The following GPC5 variants were observed in gnomAD, a reference collection of about 807,000 sequenced individuals.
The protein encoded by GPC5 is glypican 5, also known as glypican-5.
In GPC5, 47 loss-of-function variants were observed where a neutral mutation model predicts 53.9. That is an observed-to-expected ratio of 0.87 (90% confidence interval 0.69 to 1.11). GPC5 has a LOEUF of 1.11. Among genes scored for constraint, GPC5 ranks in the 50% most tolerant of loss-of-function variants. The probability of loss-of-function intolerance (pLI) is 0.00; values close to 1 mark genes in which losing one functional copy is unlikely to be tolerated. For missense variants in GPC5, 748 were observed against 713.1 expected (o/e 1.05, Z -0.56); for synonymous variants, 286 against 263.3 (o/e 1.09, Z -0.84).
chr13:92,197,640 G>A (rs533458451), intron 7 of GPC5, among the ~76,000 whole-genome samples: 2 of 150,910 alleles, frequency 1.3e-5, no homozygotes, highest in Non-Finnish European at 2.9e-5. Flanking sequence ...CTGAACTTTA[G>A]GGCATCGCCA....
chr13:92,509,088 C>A (rs905049573), intron 7 of GPC5, among the ~76,000 whole-genome samples: 1 of 151,902 alleles, frequency 6.6e-6, no homozygotes, highest in Non-Finnish European at 1.5e-5. Flanking sequence ...AACAAGCACT[C>A]GAAGGAAAAA....
chr13:91,406,660 AGTAAGTG>A (rs1594044819), intron 1 of GPC5, among the ~76,000 whole-genome samples: 1 of 152,070 alleles, frequency 6.6e-6, no homozygotes. Context: ...CCCAATTTCT[AGTAAGTG>A]GTATCACCTA....
chr13:91,545,580 A>T (rs1194079757), intron 2 of GPC5, among the ~76,000 whole-genome samples: 2 of 152,086 alleles, frequency 1.3e-5, no homozygotes, highest in African/African-American at 4.8e-5. Context: ...CCCTTTTATC[A>T]TATTTTAAGG....
intron 7 of GPC5, among the ~76,000 whole-genome samples, chr13:92,386,234 G>C (rs1393098806): frequency 6.6e-6 from 1 of 151,964 alleles, no homozygotes; most frequent in East Asian, 1.9e-4. Flanking sequence ...GCAATTTGCT[G>C]TTCTTAAAGT....
chr13:92,185,095 C>CT (rs1293382197), intron 7 of GPC5, among the ~76,000 whole-genome samples: 1 of 152,126 alleles, frequency 6.6e-6, no homozygotes, highest in African/African-American at 2.4e-5. Context: ...GTTAGATGCA[C>CT]TGAGTCCCAT....
At chr13:92,195,076 T>C (rs2139052565) in intron 7 of GPC5, among the ~76,000 whole-genome samples, 1 of 152,318 alleles carries the variant, frequency 6.6e-6, no homozygotes, top group South Asian at 2.1e-4. Context: ...ACGATAAGAA[T>C]TGACAATGAA....
intron 6 of GPC5, among the ~76,000 whole-genome samples, chr13:91,921,428 G>A (rs1022596980): frequency 6.6e-6 from 1 of 152,094 alleles, no homozygotes; most frequent in Non-Finnish European, 1.5e-5. Flanking sequence ...ATATGGAAAA[G>A]ATACTGCTAA....
chr13:92,548,694 C>A (rs1347551585), intron 7 of GPC5, among the ~76,000 whole-genome samples: 2 of 152,178 alleles, frequency 1.3e-5, no homozygotes, highest in African/African-American at 4.8e-5. Flanking sequence ...TATATATTTT[C>A]TTCTTCATAT....
At chr13:91,585,890 G>GA (rs1381643295) in intron 2 of GPC5, among the ~76,000 whole-genome samples, 3 of 151,868 alleles carry the variant, frequency 2.0e-5, no homozygotes, top group Non-Finnish European at 4.4e-5. Context: ...TTTGAAAAAA[G>GA]AAAAAACAAG....
intron 2 of GPC5, among the ~76,000 whole-genome samples, chr13:91,658,308 A>C (rs1483119720): frequency 6.6e-6 from 1 of 152,038 alleles, no homozygotes; most frequent in Admixed American, 6.6e-5. Context: ...GTAAATAGAA[A>C]CATAACATTG....
chr13:91,885,601 C>A (rs1315950924), intron 5 of GPC5, among the ~76,000 whole-genome samples: 1 of 152,166 alleles, frequency 6.6e-6, no homozygotes, highest in Non-Finnish European at 1.5e-5. Context: ...GCTTCTCTGT[C>A]ATTAGTTCAT....
chr13:91,769,698 C>T (rs1405181178), intron 5 of GPC5, among the ~76,000 whole-genome samples: 2 of 152,088 alleles, frequency 1.3e-5, no homozygotes, highest in Admixed American at 1.3e-4. Flanking sequence ...GTCAAATAAG[C>T]CCGGGAAGAA....
chr13:91,453,035 G>A (rs1881293225), intron 2 of GPC5, among the ~76,000 whole-genome samples: 1 of 95,410 alleles, frequency 1.0e-5, no homozygotes, highest in Non-Finnish European at 2.2e-5. Context: ...CTAAAAAAAT[G>A]TTATTGCTAG....
chr13:91,610,850 A>G (rs2033525766), intron 2 of GPC5, among the ~76,000 whole-genome samples: 1 of 152,224 alleles, frequency 6.6e-6, no homozygotes, highest in African/African-American at 2.4e-5. Context: ...TTGCCAGTAG[A>G]GAGTTTTACA....
intron 7 of GPC5, among the ~76,000 whole-genome samples, chr13:92,183,622 A>C (rs1276025067): frequency 6.6e-6 from 1 of 152,106 alleles, no homozygotes; most frequent in African/African-American, 2.4e-5. Context: ...AAACTGCTAG[A>C]ATTTTTATTT....
At chr13:91,546,743 C>T (rs1394255502) in intron 2 of GPC5, among the ~76,000 whole-genome samples, 1 of 151,910 alleles carries the variant, frequency 6.6e-6, no homozygotes, top group African/African-American at 2.4e-5. Context: ...TTCTTTTAAG[C>T]GATATCGAGG....
At chr13:91,712,368 A>ATT (rs2036245331) in intron 3 of GPC5, among the ~76,000 whole-genome samples, 1 of 151,038 alleles carries the variant, frequency 6.6e-6, no homozygotes, top group South Asian at 2.1e-4. Flanking sequence ...ATATGTGTGT[A>ATT]TATATATGTG....
chr13:92,665,012 C>CA (rs35215868), intron 7 of GPC5, among the ~76,000 whole-genome samples: 2,868 of 151,604 alleles, frequency 0.019, 100 homozygotes, highest in African/African-American at 0.064. Flanking sequence ...TATTGTGTTA[C>CA]AAAAAAAACA....
intron 7 of GPC5, among the ~76,000 whole-genome samples, chr13:92,363,334 A>G (rs899866828): frequency 6.6e-6 from 1 of 151,684 alleles, no homozygotes; most frequent in African/African-American, 2.4e-5. Context: ...AGAGGTCCCC[A>G]ACATTTTTGG....
Sources: gnomAD v4.1 joint callset for allele counts (sites outside exome capture counted in the v4.1 genomes callset) on GRCh38, gnomAD v4.1.1 for gene constraint, MANE v1.5 for transcripts, NCBI Gene and HGNC (gene_info 2026-07-23, HGNC 2026-07-21) for gene names.